Variants in MYL1 observed in about 807,000 individuals in gnomAD.
MYL1 encodes the protein myosin light chain 1.
In MYL1, 16 loss-of-function variants were observed where a neutral mutation model predicts 21.8. The ratio of observed to expected loss-of-function variants is 0.74; its 90% CI spans 0.50 to 1.12. The LOEUF is 1.12. Ranked by LOEUF, MYL1 falls within the 50% of genes most tolerant of loss-of-function variation. The probability of loss-of-function intolerance (pLI) is 0.00; values close to 1 mark genes in which losing one functional copy is unlikely to be tolerated. For missense variants in MYL1, 246 were observed against 241.0 expected, an observed-to-expected ratio of 1.02 and a Z score of -0.14; for synonymous variants, 99 against 85.2, an observed-to-expected ratio of 1.16 and a Z score of -0.89.
chr2:210,296,159 G>T (rs13025911), intron 3 of MYL1, among the ~76,000 whole-genome samples: 1 of 151,890 alleles, frequency 6.6e-6, no homozygotes, highest in African/African-American at 2.4e-5. Context: ...AATTATTTTC[G>T]ATTGACACAT....
chr2:210,301,232 CTG>C (rs1273049950), intron 2 of MYL1, among the ~76,000 whole-genome samples: 1 of 152,088 alleles, frequency 6.6e-6, no homozygotes, highest in African/African-American at 2.4e-5. Context: ...GAATCACCAA[CTG>C]TTTTCAATGA....
chr2:210,306,212 C>T (rs571930193), intron 1 of MYL1, among the ~76,000 whole-genome samples: 105 of 152,072 alleles, frequency 6.9e-4, no homozygotes, highest in African/African-American at 2.5e-3. Context: ...GAAACCCCAC[C>T]TCTACTAAAA....
At chr2:210,292,459 G>T (rs1690092706) in intron 5 of MYL1, among the ~76,000 whole-genome samples, 1 of 151,998 alleles carries the variant, frequency 6.6e-6, no homozygotes, top group Admixed American at 6.6e-5. Flanking sequence ...TGAATTGTCT[G>T]TTCATGTACT....
chr2:210,293,813 A>C lies in MYL1; in HGVS notation c.479-13T>G. On this transcript the variant is annotated splice_polypyrimidine_tract_variant and intron_variant, in intron 4 of 6. Coordinates refer to ENST00000352451, the MANE Select transcript of MYL1 (RefSeq NM_079420.3). ...TTCATCTTTTCACCTGATGAAACAAAACTCTCCTTTCAGAAAGAAGGCCAT... is the reference window on the plus strand; with the variant it reads ...TTCATCTTTTCACCTGATGAAACAACACTCTCCTTTCAGAAAGAAGGCCAT... The C allele has an allele frequency of 6.2e-7, 1 of 1,613,206 alleles. No homozygotes were observed. Among genetic ancestry groups the C allele is most frequent in the Non-Finnish European group, 8.5e-7 (1 of 1,179,264 alleles).
In MYL1 at chr2:210,311,593, G is replaced by A. The variant is rs1270611703; in HGVS notation, c.132+3318C>T. 8.6e-5 allele frequency among the ~76,000 whole-genome samples: 13 copies of A among 152,008 alleles called. 1 individual carries two copies. The highest frequency in any genetic ancestry group is 7.9e-4 in the Admixed American group (12 of 15,238). ...TGATTCACAATCCTATCACCTCACAGCAATACTGACATATAATGCATGCAT... is the reference window on the plus strand; with the variant it reads ...TGATTCACAATCCTATCACCTCACAACAATACTGACATATAATGCATGCAT... On this transcript the variant is annotated intron_variant, in intron 1 of 6. Coordinates refer to ENST00000352451, the MANE Select transcript of MYL1 (RefSeq NM_079420.3).
chr2:210,303,685 T>G, intron 1 of MYL1: 1 of 1,287,348 alleles, frequency 7.8e-7, no homozygotes, highest in East Asian at 2.7e-5. Flanking sequence ...GCATCAGGTT[T>G]CAGAGATAAG....
chr2:210,306,291 G>C (rs930214997), intron 1 of MYL1, among the ~76,000 whole-genome samples: 1 of 150,012 alleles, frequency 6.7e-6, no homozygotes, highest in African/African-American at 2.5e-5. Context: ...TGAGGCAAGA[G>C]AATCACTTGA....
chr2:210,297,700 A>C (rs1690198630), intron 3 of MYL1, among the ~76,000 whole-genome samples: 1 of 151,910 alleles, frequency 6.6e-6, no homozygotes, highest in African/African-American at 2.4e-5. Flanking sequence ...TAATGACTGG[A>C]TTTCTGGATT....
intron 1 of MYL1, among the ~76,000 whole-genome samples, chr2:210,311,231 A>G (rs1198759145): frequency 2.0e-5 from 3 of 152,082 alleles, no homozygotes; most frequent in Admixed American, 6.6e-5. Context: ...GGAAATGAGA[A>G]AAAAGAACTT....
intron 1 of MYL1, among the ~76,000 whole-genome samples, chr2:210,310,067 T>C (rs1406761708): frequency 6.6e-6 from 1 of 152,072 alleles, no homozygotes; most frequent in East Asian, 1.9e-4. Flanking sequence ...CTAGTGATAG[T>C]GTCAAGTAAT....
Position 210,299,616 on chromosome 2 carries a change from T to A in MYL1, c.161-1053A>T, listed in dbSNP as rs185926862. Among the ~76,000 whole-genome samples, 5 of 152,294 alleles carry A rather than the reference T, an allele frequency of 3.3e-5. No homozygotes were observed. The East Asian group carries it at 9.6e-4, about 29-fold the overall frequency. On this transcript the variant is annotated intron_variant, in intron 2 of 6. Transcript: ENST00000352451. The stretch of plus-strand genomic sequence containing the variant: ...TCTAAATTTAATCATTCTCTTTTGA[T>A]AGAACTGGTTTGACTTTCAAAATTA...
chr2:210,298,592 T>C (rs1258603915), intron 2 of MYL1, 29 bp from the exon 3 acceptor site: 5 of 1,612,862 alleles, frequency 3.1e-6, no homozygotes, highest in Non-Finnish European at 3.4e-6. Context: ...ATTAGAGTGC[T>C]CTTTTCTTCC....
In MYL1 at chr2:210,294,313, C is replaced by T. The variant is rs139030210; in HGVS notation, c.410G>A (p.Arg137His). ...ATYEDFVEGLRVFDKEGNGTV... is the reference protein window; with the variant it reads ...ATYEDFVEGLHVFDKEGNGTV... ...GCCATTGCCTTCCTTGTCAAAGACA[C>T]GCAGACCCTCAACAAAGTCTTCATA... The change falls in exon 4 of 7, where the codon CGT (arginine) becomes CAT (histidine). Residue 137 changes from arginine to histidine, a missense_variant. Coordinates refer to ENST00000352451, the MANE Select transcript of MYL1 (RefSeq NM_079420.3). 3.2e-5 allele frequency: 51 copies of T among 1,614,036 alleles called. No individual in the cohort carries two copies. Among genetic ancestry groups the T allele is most frequent in the South Asian group, 3.0e-4 (27 of 91,076 alleles).
Position 210,315,058 on chromosome 2 carries a change from G to T in MYL1, c.-16C>A, listed in dbSNP as rs780076132. On this transcript the variant is annotated 5_prime_UTR_variant, in exon 1 of 7. Coordinates refer to ENST00000352451, the MANE Select transcript of MYL1 (RefSeq NM_079420.3). ...TTGGTGCCATTTTTTTTTTTAAAAG[G>T]GTGGGTTAAAAAGAGAAGGAGTTCC... 2 of 1,593,734 alleles carry T rather than the reference G, an allele frequency of 1.3e-6. No homozygotes were observed. Among genetic ancestry groups the T allele is most frequent in the South Asian group, 2.3e-5 (2 of 86,434 alleles).
At chr2:210,304,743 C>T in intron 1 of MYL1, among the ~76,000 whole-genome samples, 1 of 152,156 alleles carries the variant, frequency 6.6e-6, no homozygotes, top group East Asian at 1.9e-4. Flanking sequence ...TACAGGGTCT[C>T]GTTATGTTGC....
At chr2:210,305,482 C>G (rs370915477) in intron 1 of MYL1, among the ~76,000 whole-genome samples, 3 of 152,148 alleles carry the variant, frequency 2.0e-5, no homozygotes, top group African/African-American at 7.2e-5. Context: ...ATGAAAGCAT[C>G]AGAGCCTACC....
intron 1 of MYL1, among the ~76,000 whole-genome samples, chr2:210,304,509 T>C (rs1238164638): frequency 6.6e-6 from 1 of 152,214 alleles, no homozygotes; most frequent in Non-Finnish European, 1.5e-5. Flanking sequence ...AAAGAATGCA[T>C]GGCAGAGCTT....
intron 1 of MYL1, 70 bp from the exon 2 acceptor site, chr2:210,302,585 C>T: frequency 6.5e-7 from 1 of 1,549,526 alleles, no homozygotes; most frequent in Non-Finnish European, 8.8e-7. Flanking sequence ...TAGTTGTATC[C>T]AGCTCATTCC....
rs1304789860 is a variant in MYL1, at chr2:210,298,328, CACACACATACT to C, written c.304+81_304+91del. ...CTCTCACACACACACATACTACACACACACACATACTACACACACACACACACACACACACA... is the reference window on the plus strand; with the variant it reads ...CTCTCACACACACACATACTACACACACACACACACACACACACACACACA... On this transcript the variant is annotated intron_variant, in intron 3 of 6. Transcript: ENST00000352451. 3.7e-5 allele frequency: 51 copies of C among 1,380,586 alleles called. No individual in the cohort carries two copies. The East Asian group carries it at 6.9e-4, about 19-fold the overall frequency. 85.5% of individuals were successfully genotyped at this position (1,380,586 alleles called of 1,614,324 possible).
Sources: gnomAD v4.1 joint callset for allele counts (sites outside exome capture counted in the v4.1 genomes callset) on GRCh38, gnomAD v4.1.1 for gene constraint, MANE v1.5 for transcripts, NCBI Gene and HGNC (gene_info 2026-07-23, HGNC 2026-07-21) for gene names.